Variants in MGAT4C observed in about 807,000 individuals in gnomAD.
MGAT4C encodes alpha-1,3-mannosyl-glycoprotein 4-beta-N-acetylglucosaminyltransferase C.
Under a neutral mutation model 40.1 loss-of-function variants are expected in MGAT4C, and 19 were observed. That is an observed-to-expected ratio of 0.47 (90% CI 0.33 to 0.70). The LOEUF is 0.70. MGAT4C is among the 30% of genes least tolerant of loss of function. The pLI, the probability that MGAT4C is intolerant of heterozygous loss-of-function variation, is 0.02. For synonymous variants in MGAT4C, 181 were observed against 187.1 expected (o/e 0.97, Z 0.27); for missense variants, 491 against 563.2 (o/e 0.87, Z 1.30).
intron 1 of MGAT4C, among the ~76,000 whole-genome samples, chr12:86,190,143 T>G (rs537873749): frequency 6.8e-4 from 103 of 152,116 alleles, no homozygotes; most frequent in African/African-American, 2.3e-3. Flanking sequence ...AATGCCAAAA[T>G]AAGAAAACAT....
chr12:86,351,306 T>C (rs1310207883), intron 3 of MGAT4C, among the ~76,000 whole-genome samples: 1 of 152,008 alleles, frequency 6.6e-6, no homozygotes, highest in Non-Finnish European at 1.5e-5. Flanking sequence ...CTCACCAATT[T>C]CTGTTACAAA....
At chr12:86,724,670 G>A (rs1459770800) in intron 2 of MGAT4C, among the ~76,000 whole-genome samples, 1 of 152,178 alleles carries the variant, frequency 6.6e-6, no homozygotes, top group African/African-American at 2.4e-5. Context: ...TTGAAAGACA[G>A]CCTTTGATTT....
chr12:86,471,871 A>T (rs1225273693), intron 2 of MGAT4C, among the ~76,000 whole-genome samples: 3 of 152,156 alleles, frequency 2.0e-5, no homozygotes, highest in Non-Finnish European at 4.4e-5. Flanking sequence ...ATTTTTCCAA[A>T]TCATAGAATT....
chr12:86,240,458 C>G (rs972173612), intron 1 of MGAT4C, among the ~76,000 whole-genome samples: 14 of 151,780 alleles, frequency 9.2e-5, no homozygotes, highest in African/African-American at 3.4e-4. Context: ...TTTTTAACAA[C>G]AATATTTATT....
chr12:86,572,475 C>T (rs1185707705), intron 2 of MGAT4C, among the ~76,000 whole-genome samples: 2 of 152,062 alleles, frequency 1.3e-5, no homozygotes, highest in East Asian at 3.9e-4. Context: ...TGCTAAAAAT[C>T]TTTTAAGGAT....
At chr12:86,162,049 T>C (rs982971892) in intron 1 of MGAT4C, among the ~76,000 whole-genome samples, 1 of 152,064 alleles carries the variant, frequency 6.6e-6, no homozygotes, top group African/African-American at 2.4e-5. Flanking sequence ...CTGTTTATAG[T>C]AATGCAAATT....
At chr12:86,473,329 A>T (rs1368746362) in intron 2 of MGAT4C, among the ~76,000 whole-genome samples, 1 of 152,184 alleles carries the variant, frequency 6.6e-6, no homozygotes, top group Non-Finnish European at 1.5e-5. Context: ...ACATCCAGAC[A>T]GCAAGTAATG....
intron 4 of MGAT4C, among the ~76,000 whole-genome samples, chr12:86,321,922 A>T (rs1322645826): frequency 6.6e-6 from 1 of 152,070 alleles, no homozygotes; most frequent in Non-Finnish European, 1.5e-5. Flanking sequence ...ACAAATGCAC[A>T]CGTATGTTTA....
intron 2 of MGAT4C, among the ~76,000 whole-genome samples, chr12:86,602,245 C>T (rs1430073012): frequency 6.6e-6 from 1 of 152,092 alleles, no homozygotes; most frequent in Admixed American, 6.5e-5. Context: ...GAAACAAGCC[C>T]AGCAGGCACG....
intron 4 of MGAT4C, among the ~76,000 whole-genome samples, chr12:86,268,678 T>TACATATATACATATATATAC (rs1952853168): frequency 1.4e-5 from 2 of 139,906 alleles, no homozygotes; most frequent in African/African-American, 2.8e-5. Flanking sequence ...TATATATATA[T>TACATATATACATATATATAC]ACATATATAC....
chr12:86,784,715 A>C (rs79949748), intron 1 of MGAT4C, among the ~76,000 whole-genome samples: 2,800 of 152,090 alleles, frequency 0.018, 31 homozygotes, highest in African/African-American at 0.037. Context: ...AGTAGCCCTG[A>C]AGGAAGCAAA....
chr12:86,046,846 A>C (rs1892444820), intron 2 of MGAT4C, among the ~76,000 whole-genome samples: 1 of 152,184 alleles, frequency 6.6e-6, no homozygotes, highest in Non-Finnish European at 1.5e-5. Flanking sequence ...ACACTCCAGC[A>C]GTCTTCTATT....
chr12:86,061,879 G>A (rs117850318), intron 1 of MGAT4C, among the ~76,000 whole-genome samples: 3,415 of 152,182 alleles, frequency 0.022, 45 homozygotes, highest in East Asian at 0.045. Context: ...CTCAGTCAGG[G>A]ACCTATAGAT....
rs537372802 is a variant in MGAT4C, at chr12:86,619,375, A to G, written c.-229+107834T>C. On this transcript the variant is annotated intron_variant, in intron 2 of 7. Transcript: ENST00000548651. ...CTTCAAGAAATCTTAGTTACATTACATGTCAGTTGGTCTCCCTACTGTGGG... is the reference window on the plus strand; with the variant it reads ...CTTCAAGAAATCTTAGTTACATTACGTGTCAGTTGGTCTCCCTACTGTGGG... Among the ~76,000 whole-genome samples, 6 of 152,240 alleles carry G rather than the reference A, an allele frequency of 3.9e-5. No individual in the cohort carries two copies. The South Asian group carries it at 1.0e-3, about 26-fold the overall frequency.
chr12:86,729,261 A>G (rs1950871671), intron 1 of MGAT4C, among the ~76,000 whole-genome samples: 2 of 152,110 alleles, frequency 1.3e-5, no homozygotes, highest in African/African-American at 4.8e-5. Context: ...GGTGATGGAT[A>G]CCCCAGTTAC....
At chr12:86,171,833 C>T (rs927565977) in intron 1 of MGAT4C, among the ~76,000 whole-genome samples, 1 of 152,140 alleles carries the variant, frequency 6.6e-6, no homozygotes, top group African/African-American at 2.4e-5. Flanking sequence ...ATCCACATTT[C>T]CAGATAGTCT....
intron 2 of MGAT4C, among the ~76,000 whole-genome samples, chr12:86,723,626 T>G (rs1438431456): frequency 1.3e-5 from 2 of 152,182 alleles, no homozygotes; most frequent in Admixed American, 1.3e-4. Flanking sequence ...GACCTCATTT[T>G]AACATGAATA....
At chr12:86,671,140 G>C (rs544082681) in intron 2 of MGAT4C, among the ~76,000 whole-genome samples, 1 of 152,184 alleles carries the variant, frequency 6.6e-6, no homozygotes, top group Admixed American at 6.5e-5. Flanking sequence ...TTTGGACAAA[G>C]ATTTATTTAA....
chr12:86,162,039 CT>C (rs1885649268), intron 1 of MGAT4C, among the ~76,000 whole-genome samples: 1 of 152,116 alleles, frequency 6.6e-6, no homozygotes, highest in Non-Finnish European at 1.5e-5. Context: ...TACTTACACA[CT>C]GTTTATAGTA....
Sources: gnomAD v4.1 joint callset for allele counts (sites outside exome capture counted in the v4.1 genomes callset) on GRCh38, gnomAD v4.1.1 for gene constraint, MANE v1.5 for transcripts, NCBI Gene and HGNC (gene_info 2026-07-23, HGNC 2026-07-21) for gene names.